The following DDB2 variants were observed in gnomAD, a reference collection of about 807,000 sequenced individuals.
DDB2 encodes the protein DNA damage-binding protein 2.
In DDB2, 27 loss-of-function variants were observed where a neutral mutation model predicts 50.5. The observed-to-expected ratio is 0.53, with a 90% CI of 0.39 to 0.74. The LOEUF (loss-of-function observed/expected upper bound fraction) is 0.74. Ranked by LOEUF, DDB2 falls within the 30% of genes least tolerant of loss-of-function variation. The pLI is 0.00. For synonymous variants in DDB2, 176 were observed against 205.5 expected, an observed-to-expected ratio of 0.86 and a Z score of 1.23; for missense variants, 424 against 545.6, an observed-to-expected ratio of 0.78 and a Z score of 2.22.
upstream of DDB2, chr11:47,214,896 G>A (rs889294067): frequency 5.2e-6 from 3 of 574,346 alleles, no homozygotes; most frequent in Admixed American, 9.2e-5. Context: ...CCGCCCCTTG[G>A]CACCACCCCC....
intron 2 of DDB2, among the ~76,000 whole-genome samples, 174 bp downstream of exon 2, chr11:47,216,646 A>G (rs1953404293): frequency 6.6e-6 from 1 of 152,174 alleles, no homozygotes; most frequent in Non-Finnish European, 1.5e-5. Flanking sequence ...CTTATGTTGT[A>G]AAGGTCCCAG....
intron 3 of DDB2, among the ~76,000 whole-genome samples, chr11:47,226,558 C>G (rs1372713274): frequency 6.6e-6 from 1 of 152,054 alleles, no homozygotes. Context: ...CAAGTGTGAG[C>G]CACCATGCTC....
chr11:47,221,337 G>A lies in DDB2; in HGVS notation c.456+4288G>A, dbSNP rs538254762. Among the ~76,000 whole-genome samples the A allele has an allele frequency of 2.0e-5, 3 of 150,426 alleles. No homozygotes were observed. The South Asian group carries it at 6.4e-4, about 32-fold the overall frequency. ...CGCTCAGGCTGGAGTGCAGTGGTGC[G>A]ATCTCACCTCACTGCAACCTCCGCC... is the stretch of plus-strand genomic sequence containing the variant. On this transcript the variant is annotated intron_variant, in intron 3 of 9. Coordinates refer to ENST00000256996, the MANE Select transcript of DDB2 (RefSeq NM_000107.3).
intron 6 of DDB2, 102 bp from the exon 7 acceptor site, chr11:47,235,168 A>G: frequency 6.6e-7 from 1 of 1,517,658 alleles, no homozygotes; most frequent in South Asian, 1.1e-5. Flanking sequence ...TCCTGTCTAG[A>G]GAGGAGTGGG....
At chr11:47,234,956 C>G (rs564371184) in intron 6 of DDB2, 22 bp downstream of exon 6, 2 of 1,613,580 alleles carry the variant, frequency 1.2e-6, no homozygotes, top group East Asian at 2.2e-5. Context: ...CAGACCTCAT[C>G]TCTCCTGCAG....
intron 4 of DDB2, 72 bp from the exon 5 acceptor site, chr11:47,234,501 C>A: frequency 8.1e-7 from 1 of 1,240,358 alleles, no homozygotes; most frequent in Non-Finnish European, 1.2e-6. Flanking sequence ...GGTTAGTCAC[C>A]GGAGCGGCAA....
intron 1 of DDB2, 114 bp from the exon 2 acceptor site, chr11:47,216,222 G>A: frequency 1.3e-6 from 2 of 1,492,614 alleles, no homozygotes; most frequent in Non-Finnish European, 1.9e-6. Context: ...GGCCGCAGGA[G>A]GTGATGAGAC....
intron 3 of DDB2, among the ~76,000 whole-genome samples, chr11:47,227,689 T>C (rs1332238744): frequency 2.6e-5 from 4 of 152,144 alleles, no homozygotes; most frequent in East Asian, 3.9e-4. Flanking sequence ...TTTTAATAGT[T>C]AAACCAACTT....
intron 1 of DDB2, chr11:47,215,533 G>A: frequency 4.1e-6 from 2 of 484,204 alleles, no homozygotes; most frequent in African/African-American, 3.9e-5. Context: ...TGCACAGTTA[G>A]GACGGCTTCA....
At chr11:47,237,713 G>A (rs3781620) in intron 7 of DDB2, 124 bp from the exon 8 acceptor site, 3 of 962,412 alleles carry the variant, frequency 3.1e-6, no homozygotes, top group East Asian at 2.5e-5. Flanking sequence ...GAGATTACAG[G>A]TGTGAGCCAC....
intron 1 of DDB2, 61 bp from the exon 2 acceptor site, chr11:47,216,275 A>G (rs2135484732): frequency 1.2e-6 from 2 of 1,613,454 alleles, no homozygotes; most frequent in East Asian, 4.5e-5. Flanking sequence ...CCTTTCGGGG[A>G]ATTCAGCAGA....
At chr11:47,223,688 A>G (rs961078953) in intron 3 of DDB2, among the ~76,000 whole-genome samples, 2 of 152,036 alleles carry the variant, frequency 1.3e-5, no homozygotes, top group South Asian at 4.1e-4. Context: ...AGGCTGAGGC[A>G]GGAGAATGGT....
In DDB2 at chr11:47,216,911, G is replaced by A. The variant is rs541629437; in HGVS notation, c.318G>A (p.Lys106=). Residue 106 remains lysine (K), a synonymous_variant, in exon 3 of 10, where the codon AAG becomes AAA. Transcript: ENST00000256996. Reference sequence around the variant, plus strand: ...TGGATTCTTACCGGATATTACAAAAGGCTGCCCCCTTTGACAGGAGGGCTA... The same window carrying A: ...TGGATTCTTACCGGATATTACAAAAAGCTGCCCCCTTTGACAGGAGGGCTA... The part of the protein sequence containing the change: ...HTLDSYRILQ[K]AAPFDRRATS... 6.2e-7 allele frequency: 1 copy of A among 1,613,946 alleles called. No homozygotes were observed. Among genetic ancestry groups the A allele is most frequent in the Non-Finnish European group, 8.5e-7 (1 of 1,180,022 alleles).
At chr11:47,231,137 A>AAAAAAAAC in intron 3 of DDB2, among the ~76,000 whole-genome samples, 1 of 151,290 alleles carries the variant, frequency 6.6e-6, no homozygotes, top group South Asian at 2.1e-4. Context: ...AAAAAAAAAA[A>AAAAAAAAC]AAAAAAACAC....
chr11:47,214,787 AT>A, upstream of DDB2: 4 of 354,704 alleles, frequency 1.1e-5, no homozygotes, highest in Non-Finnish European at 2.2e-5. Context: ...AAAAAAAAAA[AT>A]CCATAAAGCC....
intron 3 of DDB2, among the ~76,000 whole-genome samples, chr11:47,230,064 G>A (rs1953622803): frequency 7.7e-6 from 1 of 129,394 alleles, no homozygotes; most frequent in Non-Finnish European, 1.8e-5. Flanking sequence ...TTGGGACGTT[G>A]AGGTGGAAGG....
In DDB2 at chr11:47,215,112, A is replaced by G. The variant is rs748147583; in HGVS notation, c.-25A>G. On this transcript the variant is annotated 5_prime_UTR_variant, in exon 1 of 10. Coordinates refer to ENST00000256996, the MANE Select transcript of DDB2 (RefSeq NM_000107.3). Reference sequence around the variant, plus strand: ...CCTCCATGATCTTCGCATAGAGCACAGTACCCCTTCACACGGAGGACGCGA... The same window carrying G: ...CCTCCATGATCTTCGCATAGAGCACGGTACCCCTTCACACGGAGGACGCGA... The G allele has an allele frequency of 6.2e-7, 1 of 1,613,980 alleles. No individual in the cohort carries two copies. The highest frequency in any genetic ancestry group is 8.5e-7 in the Non-Finnish European group (1 of 1,179,956).
At position 47,238,671 on chromosome 11, in the gene DDB2, TAC is replaced by T. The variant is rs901425107; in HGVS notation, c.1235-127_1235-126del. 4 of 939,364 alleles carry T rather than the reference TAC, an allele frequency of 4.3e-6. No homozygotes were observed. In the African/African-American group the frequency reaches 6.5e-5, roughly 15 times the overall value. 58.2% of individuals were successfully genotyped at this position (939,364 alleles called of 1,614,324 possible). On this transcript the variant is annotated intron_variant, in intron 9 of 9. Coordinates refer to ENST00000256996, the MANE Select transcript of DDB2 (RefSeq NM_000107.3). ...CCTCAGCCTCCCAAAGTGCTGGGATTACAGACTTGAGCCACCGCGCCCGGCCT... is the reference window on the plus strand; with the variant it reads ...CCTCAGCCTCCCAAAGTGCTGGGATTAGACTTGAGCCACCGCGCCCGGCCT...
upstream of DDB2, chr11:47,214,817 A>T: frequency 2.3e-6 from 1 of 430,926 alleles, no homozygotes; most frequent in South Asian, 2.3e-5. Context: ...TCTTTGCTCC[A>T]GGGAGGTCAG....
Sources: gnomAD v4.1 joint callset for allele counts (sites outside exome capture counted in the v4.1 genomes callset) on GRCh38, gnomAD v4.1.1 for gene constraint, MANE v1.5 for transcripts, NCBI Gene and HGNC (gene_info 2026-07-23, HGNC 2026-07-21) for gene names.